RBBP6: variants seen among roughly 807,000 people sequenced by gnomAD.
The protein encoded by RBBP6 is E3 ubiquitin-protein ligase RBBP6.
Under a neutral mutation model 167.7 loss-of-function variants are expected in RBBP6, and 25 were observed. That is an observed-to-expected ratio of 0.15 (90% CI 0.11 to 0.21). The LOEUF (loss-of-function observed/expected upper bound fraction) is 0.21, where lower values mean the gene tolerates loss of function less well. RBBP6 is among the 10% of genes least tolerant of loss of function. The pLI is 1.00. For synonymous variants in RBBP6, 789 were observed against 735.8 expected (o/e 1.07, Z -1.17); for missense variants, 1,868 against 2,134.2 (o/e 0.88, Z 2.46).
intron 1 of RBBP6, among the ~76,000 whole-genome samples, chr16:24,544,839 A>G (rs1378408665): frequency 2.0e-5 from 3 of 152,142 alleles, no homozygotes; most frequent in African/African-American, 7.2e-5. Flanking sequence ...TTATCCGATG[A>G]CTGAAGCCAG....
At chr16:24,559,805 G>T in intron 8 of RBBP6, 128 bp downstream of exon 8, 1 of 774,770 alleles carries the variant, frequency 1.3e-6, no homozygotes, top group Non-Finnish European at 1.8e-6. Context: ...TGATCAATGA[G>T]CATTAAGTAG....
intron 1 of RBBP6, among the ~76,000 whole-genome samples, chr16:24,541,035 ATTC>A (rs767779562): frequency 4.6e-5 from 7 of 151,974 alleles, no homozygotes; most frequent in East Asian, 3.9e-4. Flanking sequence ...AAGCCTGATT[ATTC>A]TTCTCGCTGT....
intron 7 of RBBP6, among the ~76,000 whole-genome samples, chr16:24,557,771 A>G (rs1401873817): frequency 6.6e-6 from 1 of 152,228 alleles, no homozygotes; most frequent in Non-Finnish European, 1.5e-5. Context: ...CCTCAGCTTC[A>G]TGCTATAAAT....
intron 15 of RBBP6, 129 bp downstream of exon 15, chr16:24,567,634 G>A: frequency 7.6e-7 from 1 of 1,314,552 alleles, no homozygotes; most frequent in East Asian, 2.5e-5. Flanking sequence ...TTAAACCAAA[G>A]CCATACAAGC....
chr16:24,561,989 G>A lies in RBBP6; in HGVS notation c.1117G>A (p.Val373Met), dbSNP rs145449317. The A allele has an allele frequency of 1.2e-6, 2 of 1,613,370 alleles. No individual in the cohort carries two copies. The highest frequency in any genetic ancestry group is 4.5e-5 in the East Asian group (2 of 44,828). ...ACAACAAGATCCTCTTATGATTCCA[G>A]TGACATCTTCATCAACTCACCCAGC... ...SRQQDPLMIP[V>M]TSSSTHPAPS... Residue 373 changes from valine to methionine, a missense_variant, in exon 10 of 18, where the codon GTG (valine) becomes ATG (methionine). Transcript: ENST00000319715.
rs568211315 is a variant in RBBP6 at position 24,567,676 on chromosome 16, A to G, written c.1953-116A>G. The G allele has an allele frequency of 3.6e-4, 452 of 1,259,002 alleles. 1 individual carries two copies. The highest frequency in any genetic ancestry group is 4.4e-4 in the Non-Finnish European group (400 of 909,768). 78.0% of individuals were successfully genotyped at this position (1,259,002 alleles called of 1,614,324 possible). On this transcript the variant is annotated intron_variant, in intron 15 of 17. Transcript: ENST00000319715. Reference sequence around the variant, plus strand: ...TCAGGGATTCCTAGTTTATAGTTTTAAAGTGGAAAACTAATGGCAATTTCA... The same window carrying G: ...TCAGGGATTCCTAGTTTATAGTTTTGAAGTGGAAAACTAATGGCAATTTCA...
chr16:24,570,846 T>C lies in RBBP6; in HGVS notation c.3810-30T>C, dbSNP rs372008134. On this transcript the variant is annotated intron_variant, in intron 17 of 17. Transcript: ENST00000319715. ...TTATAATTAATAGTAAATTCTTCAT[T>C]AATTAAAAATATTTTGTTATTCTTT... 7.6e-4 allele frequency: 1,048 copies of C among 1,375,724 alleles called. 12 individuals are homozygous for C. In the South Asian group the frequency reaches 0.014, roughly 18 times the overall value. The allele number at this position is 1,375,724 out of a possible 1,614,324, so 85.2% of individuals were successfully genotyped here.
In RBBP6 at chr16:24,569,877, A is replaced by G; in HGVS notation, c.3187A>G (p.Lys1063Glu). Residue 1063 changes from lysine (K) to glutamate (E), a missense_variant, in exon 17 of 18, where the codon AAA becomes GAA. Physicochemically the swap from Lys to Glu is moderately conservative, Grantham distance 56. Coordinates refer to ENST00000319715, the MANE Select transcript of RBBP6 (RefSeq NM_006910.5). The stretch of plus-strand genomic sequence containing the variant: ...ATCTGAACCTCCAATTAAAAAAGCC[A>G]AAGAGGAGACTCCGAAGACTGACAA... ...PRSEPPIKKAKEETPKTDNTK... is the reference protein window; with the variant it reads ...PRSEPPIKKAEEETPKTDNTK... The G allele has an allele frequency of 1.2e-6, 2 of 1,610,758 alleles. No homozygotes were observed. Among genetic ancestry groups the G allele is most frequent in the South Asian group, 1.1e-5 (1 of 90,140 alleles).
At chr16:24,541,994 G>C (rs1898511444) in intron 1 of RBBP6, among the ~76,000 whole-genome samples, 1 of 152,180 alleles carries the variant, frequency 6.6e-6, no homozygotes, top group Non-Finnish European at 1.5e-5. Context: ...ATTGTATTAG[G>C]TTAAGGAACA....
rs779561007 is a variant in RBBP6 at position 24,571,491 on chromosome 16, T to G, written c.4425T>G (p.Thr1475=). The change falls in exon 18 of 18, where the codon ACT becomes ACG. Residue 1475 remains threonine, a synonymous_variant. Transcript: ENST00000319715. ...KDFTPNRDKK[T]DYDTREYSSS... ...TCACTCCCAATAGAGACAAAAAAAC[T>G]GACTATGACACCAGAGAGTATTCAA... 8.1e-6 allele frequency: 13 copies of G among 1,612,202 alleles called. No homozygotes were observed. The highest frequency in any genetic ancestry group is 1.1e-5 in the Non-Finnish European group (13 of 1,179,604).
At chr16:24,557,910 A>G (rs1898957860) in intron 7 of RBBP6, among the ~76,000 whole-genome samples, 1 of 152,188 alleles carries the variant, frequency 6.6e-6, no homozygotes, top group South Asian at 2.1e-4. Flanking sequence ...TTCACAGATA[A>G]GAATGTTTTC....
chr16:24,560,160 A>G (rs1596507621), intron 8 of RBBP6, among the ~76,000 whole-genome samples: 1 of 132,958 alleles, frequency 7.5e-6, no homozygotes, highest in African/African-American at 2.9e-5. Flanking sequence ...CCCAGGCTGG[A>G]GTGCAGTGGT....
intron 12 of RBBP6, 49 bp from the exon 13 acceptor site, chr16:24,563,561 T>A: frequency 6.2e-7 from 1 of 1,611,136 alleles, no homozygotes. Flanking sequence ...TTAGCTTGAT[T>A]TAATGTGCAA....
chr16:24,543,174 A>G (rs1378673982), intron 1 of RBBP6, among the ~76,000 whole-genome samples: 1 of 152,184 alleles, frequency 6.6e-6, no homozygotes, highest in Non-Finnish European at 1.5e-5. Context: ...TTTTTATCAC[A>G]GTTAAGGTCC....
Position 24,572,488 on chromosome 16 carries a change from TATTAA to T in RBBP6, c.*47_*51del. On this transcript the variant is annotated 3_prime_UTR_variant, in exon 18 of 18. Coordinates refer to ENST00000319715, the MANE Select transcript of RBBP6 (RefSeq NM_006910.5). ...ATTGACTTAATTACTAAGTCATCTG[TATTAA>T]ATTTTGTTATAATGTAAAGAGATTC... is the stretch of plus-strand genomic sequence containing the variant. The T allele has an allele frequency of 6.7e-7, 1 of 1,485,882 alleles. No individual in the cohort carries two copies. The highest frequency in any genetic ancestry group is 2.7e-5 in the Admixed American group (1 of 37,332). The allele number at this position is 1,485,882 out of a possible 1,614,324, so 92.0% of individuals were successfully genotyped here.
At chr16:24,546,411 G>C in intron 2 of RBBP6, 149 bp downstream of exon 2, 1 of 1,072,298 alleles carries the variant, frequency 9.3e-7, no homozygotes. Flanking sequence ...AGGTTTCTTT[G>C]TTCGTTTGTT....
intron 10 of RBBP6, among the ~76,000 whole-genome samples, chr16:24,562,521 T>C (rs1899089551): frequency 6.6e-6 from 1 of 152,062 alleles, no homozygotes; most frequent in South Asian, 2.1e-4. Flanking sequence ...AAGAACAGTT[T>C]AGATAGGTAG....
chr16:24,566,518 A>T (rs1899197919), intron 14 of RBBP6, among the ~76,000 whole-genome samples: 1 of 152,158 alleles, frequency 6.6e-6, no homozygotes, highest in African/African-American at 2.4e-5. Flanking sequence ...CTTTGTGCAG[A>T]TCACCTGAGG....
In RBBP6 at chr16:24,546,610, T is replaced by C. The variant is rs1898659754; in HGVS notation, c.266+348T>C. Among the ~76,000 whole-genome samples, 3 of 152,204 alleles carry C rather than the reference T, an allele frequency of 2.0e-5. No individual in the cohort carries two copies. In the South Asian group the frequency reaches 6.2e-4, roughly 31 times the overall value. On this transcript the variant is annotated intron_variant, in intron 2 of 17. Coordinates refer to ENST00000319715, the MANE Select transcript of RBBP6 (RefSeq NM_006910.5). The stretch of plus-strand genomic sequence containing the variant: ...TTTTCTTCACTACAAAAATTTGGTG[T>C]TGTAGACATCGGTCCTAAATATTTT...
Sources: gnomAD v4.1 joint callset for allele counts (sites outside exome capture counted in the v4.1 genomes callset) on GRCh38, gnomAD v4.1.1 for gene constraint, MANE v1.5 for transcripts, NCBI Gene and HGNC (gene_info 2026-07-23, HGNC 2026-07-21) for gene names.